CASD1: variants seen among roughly 807,000 people sequenced by gnomAD.
The protein encoded by CASD1 is N-acetylneuraminate (7)9-O-acetyltransferase.
In CASD1, 41 loss-of-function variants were observed where a neutral mutation model predicts 100.0. The ratio of observed to expected loss-of-function variants is 0.41; its 90% confidence interval spans 0.32 to 0.53. The LOEUF is 0.53. CASD1 is among the 20% of genes least tolerant of loss of function. The pLI is 0.25. For synonymous variants in CASD1, 321 were observed against 315.6 expected (o/e 1.02, Z -0.18); for missense variants, 774 against 948.7 (o/e 0.82, Z 2.42).
chr7:94,565,881 T>TA, the CASD1 span, among the ~76,000 whole-genome samples: 1 of 152,186 alleles, frequency 6.6e-6, no homozygotes, highest in Non-Finnish European at 1.5e-5. Flanking sequence ...AGGGGAAAGG[T>TA]ACCAGGGGTA....
At chr7:94,633,320 A>G in the CASD1 span, among the ~76,000 whole-genome samples, 17 of 152,124 alleles carry the variant, frequency 1.1e-4, no homozygotes, top group African/African-American at 4.1e-4. Flanking sequence ...GCATAGCTAG[A>G]TTTACAAAGA....
At chr7:94,520,515 TTAGA>T (rs554558598) in intron 3 of CASD1, among the ~76,000 whole-genome samples, 4 of 152,214 alleles carry the variant, frequency 2.6e-5, no homozygotes, top group Non-Finnish European at 2.9e-5. Flanking sequence ...TATCTCCCTC[TTAGA>T]TAGTTTTAAT....
chr7:94,534,314 G>T (rs1328359658), intron 7 of CASD1, among the ~76,000 whole-genome samples: 1 of 151,634 alleles, frequency 6.6e-6, no homozygotes, highest in African/African-American at 2.4e-5. Context: ...CTACAGGTGT[G>T]CACCACCACA....
chr7:94,588,486 T>C, the CASD1 span: 102 of 1,395,488 alleles, frequency 7.3e-5, no homozygotes, highest in Non-Finnish European at 9.3e-5. Flanking sequence ...TCTAAGATCA[T>C]TTACCCTGTG....
At chr7:94,530,701 G>C (rs1452958092) in intron 5 of CASD1, among the ~76,000 whole-genome samples, 1 of 152,058 alleles carries the variant, frequency 6.6e-6, no homozygotes. Context: ...AATGGATTTG[G>C]GTAGTCTTGG....
At position 94,533,105 on chromosome 7, in the gene CASD1, A is replaced by G. The variant is rs557575497; in HGVS notation, c.460-100A>G. On this transcript the variant is annotated intron_variant, in intron 5 of 17. Transcript: ENST00000297273. ...TCTAAAAACTTAGAATGAATTTAGA[A>G]GGAAGAACTTACATTTTAAGGAAAA... 4 of 693,324 alleles carry G rather than the reference A, an allele frequency of 5.8e-6. No homozygotes were observed. In the Admixed American group the frequency reaches 7.9e-5, roughly 14 times the overall value. 42.9% of individuals were successfully genotyped at this position (693,324 alleles called of 1,614,324 possible).
chr7:94,577,564 A>C, the CASD1 span, among the ~76,000 whole-genome samples: 1 of 152,192 alleles, frequency 6.6e-6, no homozygotes, highest in Admixed American at 6.5e-5. Context: ...AGGTGAGAGC[A>C]TAGGGCCTTC....
intron 1 of CASD1, among the ~76,000 whole-genome samples, chr7:94,511,519 C>G (rs1402433822): frequency 6.6e-6 from 1 of 152,172 alleles, no homozygotes; most frequent in Non-Finnish European, 1.5e-5. Context: ...CCAGCTCTCT[C>G]CAGATCACAG....
the CASD1 span, among the ~76,000 whole-genome samples, chr7:94,597,013 C>A: frequency 2.0e-5 from 3 of 151,988 alleles, no homozygotes; most frequent in East Asian, 3.8e-4. Flanking sequence ...TTACAATATT[C>A]TTGAAATTTT....
At chr7:94,573,291 G>A in the CASD1 span, among the ~76,000 whole-genome samples, 1 of 152,182 alleles carries the variant, frequency 6.6e-6, no homozygotes, top group South Asian at 2.1e-4. Flanking sequence ...GATGGGAATA[G>A]CACTGAATCT....
the CASD1 span, among the ~76,000 whole-genome samples, chr7:94,611,518 C>T: frequency 1.7e-4 from 26 of 151,906 alleles, no homozygotes; most frequent in African/African-American, 6.3e-4. Context: ...CTAATGGGTA[C>T]AAGGGTGGGT....
chr7:94,556,919 T>G lies in CASD1; in HGVS notation c.*1161T>G, dbSNP rs1032018856. 12 of 152,110 alleles carry G rather than the reference T, an allele frequency of 7.9e-5. No individual in the cohort carries two copies. In the East Asian group the frequency reaches 1.2e-3, roughly 15 times the overall value. The allele number at this position is 152,110 out of a possible 1,614,324, so 9.4% of individuals were successfully genotyped here. A position where few individuals can be genotyped will look rare whatever the true frequency, so the allele number is the denominator to read the frequency against. The stretch of plus-strand genomic sequence containing the variant: ...AAATATATTTTCTGTTCACAGTATA[T>G]GAAAATATGGAGTAATTTAAACAGT... On this transcript the variant is annotated 3_prime_UTR_variant, in exon 18 of 18. Transcript: ENST00000297273.
intron 10 of CASD1, among the ~76,000 whole-genome samples, chr7:94,542,662 G>T (rs1211003628): frequency 6.6e-6 from 1 of 152,106 alleles, no homozygotes; most frequent in Non-Finnish European, 1.5e-5. Flanking sequence ...GATCATTATA[G>T]CAGTTAATGA....
chr7:94,582,660 G>A, the CASD1 span, among the ~76,000 whole-genome samples: 1 of 152,084 alleles, frequency 6.6e-6, no homozygotes, highest in Non-Finnish European at 1.5e-5. Context: ...CATTCTTTTG[G>A]TATCAACCAA....
At chr7:94,544,266 G>A (rs1795562818) in intron 10 of CASD1, 145 bp from the exon 11 acceptor site, 1 of 974,098 alleles carries the variant, frequency 1.0e-6, no homozygotes, top group African/African-American at 1.7e-5. Context: ...TTGCTATAAT[G>A]ACTAACTTTT....
chr7:94,603,226 G>T, the CASD1 span: 1 of 1,341,186 alleles, frequency 7.5e-7, no homozygotes, highest in Non-Finnish European at 1.1e-6. Context: ...TCAGGTTTTA[G>T]TCAAACGTTA....
intron 3 of CASD1, among the ~76,000 whole-genome samples, chr7:94,518,881 A>C (rs1401643099): frequency 6.6e-6 from 1 of 152,092 alleles, no homozygotes; most frequent in Non-Finnish European, 1.5e-5. Flanking sequence ...GCAGTTAAAA[A>C]ATACATTTTA....
At chr7:94,633,414 G>A in the CASD1 span, among the ~76,000 whole-genome samples, 1 of 152,062 alleles carries the variant, frequency 6.6e-6, no homozygotes, top group East Asian at 1.9e-4. Context: ...GAGCCAAAGG[G>A]TTATGTAAGC....
At chr7:94,604,843 ATATATATATATATAT>A in the CASD1 span, among the ~76,000 whole-genome samples, 3 of 75,524 alleles carry the variant, frequency 4.0e-5, no homozygotes, top group South Asian at 6.2e-4. Context: ...ATATATATAT[ATATATATATATATAT>A]AATAGTTGTT....
Sources: allele counts gnomAD v4.1 joint callset (sites outside exome capture counted in the v4.1 genomes callset), GRCh38; gene constraint gnomAD v4.1.1; transcripts MANE v1.5; gene names NCBI Gene and HGNC (gene_info 2026-07-23, HGNC 2026-07-21).